The following TPD52L2 variants were observed in gnomAD, a reference collection of about 807,000 sequenced individuals.
The protein encoded by TPD52L2 is tumor protein D54.
In TPD52L2, 19 loss-of-function variants were observed where a neutral mutation model predicts 24.7. That is an observed-to-expected ratio of 0.77 (90% CI 0.54 to 1.13). The LOEUF (loss-of-function observed/expected upper bound fraction) is 1.13, where lower values mean the gene tolerates loss of function less well. Among genes scored for constraint, TPD52L2 ranks in the 50% most tolerant of loss-of-function variants. The pLI is 0.00. For synonymous variants in TPD52L2, 104 were observed against 100.2 expected (o/e 1.04, Z -0.23); for missense variants, 236 against 250.4 (o/e 0.94, Z 0.39).
At position 63,889,178 on chromosome 20, in the gene TPD52L2, C is replaced by T. The variant is rs921452007; in HGVS notation, c.477-12C>T. On this transcript the variant is annotated splice_polypyrimidine_tract_variant and intron_variant, in intron 5 of 6. Coordinates refer to ENST00000346249, the MANE Select transcript of TPD52L2 (RefSeq NM_003288.4). ...CCTCTTGACACCGACACTCTTCCCT[C>T]TCTCTTTAAAGGAACTCTGCGACCT... 4 of 1,612,950 alleles carry T rather than the reference C, an allele frequency of 2.5e-6. No individual in the cohort carries two copies. The highest frequency in any genetic ancestry group is 3.3e-5 in the Admixed American group (2 of 59,958).
intron 5 of TPD52L2, among the ~76,000 whole-genome samples, chr20:63,885,628 G>C (rs904179978): frequency 1.3e-5 from 2 of 152,218 alleles, no homozygotes; most frequent in Non-Finnish European, 2.9e-5. Context: ...GTCATGCTGT[G>C]GCACATTTCA....
At chr20:63,881,131 G>C (rs1321536575) in intron 4 of TPD52L2, among the ~76,000 whole-genome samples, 1 of 152,150 alleles carries the variant, frequency 6.6e-6, no homozygotes, top group Non-Finnish European at 1.5e-5. Flanking sequence ...GGAGGCCGAG[G>C]CGGGTGGATC....
rs1321596470 is a variant in TPD52L2, at chr20:63,882,765, T to A, written c.421T>A (p.Ser141Thr). ...ETLSQAGQKTSAALSTVGSAI... is the reference protein window; with the variant it reads ...ETLSQAGQKTTAALSTVGSAI... ...TCTTTCACAGGCAGGACAGAAGACT[T>A]CAGCTGCCCTGTCCACAGTGGGCTC... The change falls in exon 5 of 7, where the codon TCA becomes ACA. Residue 141 changes from serine (S) to threonine (T), a missense_variant. By Grantham distance (58) the Ser-to-Thr change is moderately conservative. Transcript: ENST00000346249. 5 of 1,614,092 alleles carry A rather than the reference T, an allele frequency of 3.1e-6. 1 individual carries two copies. The Admixed American group carries it at 8.3e-5, about 27-fold the overall frequency.
intron 2 of TPD52L2, among the ~76,000 whole-genome samples, chr20:63,870,057 G>A (rs1480811402): frequency 1.3e-5 from 2 of 152,194 alleles, no homozygotes; most frequent in Admixed American, 1.3e-4. Context: ...GAGGCCAGGA[G>A]GTCAAGGCTT....
Position 63,877,050 on chromosome 20 carries a change from A to T in TPD52L2, c.374+1175A>T. The T allele has an allele frequency of 2.3e-6, 1 of 433,408 alleles. No homozygotes were observed. Among genetic ancestry groups the T allele is most frequent in the Admixed American group, 2.7e-5 (1 of 37,632 alleles). 26.8% of individuals were successfully genotyped at this position (433,408 alleles called of 1,614,324 possible). A position where few individuals can be genotyped will look rare whatever the true frequency, so the allele number is the denominator to read the frequency against. On this transcript the variant is annotated intron_variant, in intron 4 of 6. Coordinates refer to ENST00000346249, the MANE Select transcript of TPD52L2 (RefSeq NM_003288.4). This position sits in a 1 kb window ranked among gnomAD's most constrained non-coding sequence, Gnocchi z 4.1. ...TTTGTTTGGTTTTTTTTTTGAGACA[A>T]CGTCTCGTTCTGTCTCCCAGGCTGG...
At position 63,877,854 on chromosome 20, in the gene TPD52L2, C is replaced by T. The variant is rs935989924; in HGVS notation, c.374+1979C>T. ...GGTTCCAGAGTGGAAGCGTTTCTGC[C>T]GGGAAGGCCCAGGCCGAGGGCGATG... On this transcript the variant is annotated intron_variant, in intron 4 of 6. Coordinates refer to ENST00000346249, the MANE Select transcript of TPD52L2 (RefSeq NM_003288.4). The surrounding 1 kb of genome is among the most constrained non-coding windows in gnomAD (Gnocchi z 4.1). Among the ~76,000 whole-genome samples, 5 of 152,182 alleles carry T rather than the reference C, an allele frequency of 3.3e-5. No individual in the cohort carries two copies. Among genetic ancestry groups the T allele is most frequent in the Non-Finnish European group, 7.3e-5 (5 of 68,042 alleles).
intron 5 of TPD52L2, chr20:63,886,173 A>AGT (rs2053088465): frequency 2.3e-6 from 2 of 884,844 alleles, no homozygotes. Flanking sequence ...CCAGGACAGC[A>AGT]GTGCCAGCCA....
chr20:63,865,330 T>G lies in TPD52L2; in HGVS notation c.-36T>G, dbSNP rs201377304. The G allele has an allele frequency of 2.6e-6, 4 of 1,519,256 alleles. No individual in the cohort carries two copies. 94.1% of individuals were successfully genotyped at this position (1,519,256 alleles called of 1,614,324 possible). ...CCCGGCGCCGCCCGCTCGGCTCCCA[T>G]AGCGCCCGCGACAGCGGTCCGGACG... On this transcript the variant is annotated 5_prime_UTR_variant, in exon 1 of 7. Coordinates refer to ENST00000346249, the MANE Select transcript of TPD52L2 (RefSeq NM_003288.4).
chr20:63,886,248 C>T (rs965248937), intron 5 of TPD52L2, among the ~76,000 whole-genome samples: 1 of 152,126 alleles, frequency 6.6e-6, no homozygotes, highest in Non-Finnish European at 1.5e-5. Context: ...CCCCCGGAAC[C>T]CCCCGGCCCT....
intron 1 of TPD52L2, 86 bp downstream of exon 1, chr20:63,865,470 C>T: frequency 4.8e-6 from 7 of 1,461,286 alleles, no homozygotes; most frequent in Non-Finnish European, 6.3e-6. Context: ...CTGCGACTCT[C>T]TGTCCTCTCG....
intron 5 of TPD52L2, among the ~76,000 whole-genome samples, chr20:63,885,174 C>T (rs941830123): frequency 7.2e-5 from 11 of 152,362 alleles, no homozygotes; most frequent in African/African-American, 4.8e-5. Flanking sequence ...AGCTGCCCAA[C>T]GCCCGTGTCC....
intron 5 of TPD52L2, among the ~76,000 whole-genome samples, chr20:63,885,611 C>T (rs945732514): frequency 2.0e-5 from 3 of 152,246 alleles, no homozygotes; most frequent in African/African-American, 4.8e-5. Flanking sequence ...GCTGGCCAAG[C>T]CCAGCTGTCA....
At chr20:63,880,401 TTCCCCA>T (rs1375589827) in intron 4 of TPD52L2, among the ~76,000 whole-genome samples, 20 of 141,136 alleles carry the variant, frequency 1.4e-4, no homozygotes, top group Non-Finnish European at 1.5e-5. Context: ...CAGGTGCAGC[TTCCCCA>T]TCCCCACTCT....
intron 1 of TPD52L2, among the ~76,000 whole-genome samples, chr20:63,868,198 C>T (rs2052332851): frequency 6.6e-6 from 1 of 152,240 alleles, no homozygotes; most frequent in South Asian, 2.1e-4. Flanking sequence ...TAGGCATGAG[C>T]CACTGCGCCT....
intron 4 of TPD52L2, among the ~76,000 whole-genome samples, chr20:63,880,840 G>A (rs957800880): frequency 6.6e-6 from 1 of 150,538 alleles, no homozygotes; most frequent in Admixed American, 6.6e-5. Context: ...GCAGTGAGCC[G>A]AGATGGTGCT....
At chr20:63,871,004 C>G (rs764253950) in intron 2 of TPD52L2, among the ~76,000 whole-genome samples, 5 of 151,702 alleles carry the variant, frequency 3.3e-5, no homozygotes, top group Non-Finnish European at 7.4e-5. Flanking sequence ...GTGTGAGCCA[C>G]TGTGCCCGGC....
Position 63,890,311 on chromosome 20 carries a change from A to T in TPD52L2, c.*366A>T. 3.0e-6 allele frequency: 1 copy of T among 328,628 alleles called. No homozygotes were observed. Among genetic ancestry groups the T allele is most frequent in the Non-Finnish European group, 5.5e-6 (1 of 181,404 alleles). 20.4% of individuals were successfully genotyped at this position (328,628 alleles called of 1,614,324 possible). On this transcript the variant is annotated 3_prime_UTR_variant, in exon 7 of 7. Coordinates refer to ENST00000346249, the MANE Select transcript of TPD52L2 (RefSeq NM_003288.4). ...GATTGAAGAGTTCTAAGCATAAAATAAGTGGCATTTTCTGACTTCTTCCTC... is the reference window on the plus strand; with the variant it reads ...GATTGAAGAGTTCTAAGCATAAAATTAGTGGCATTTTCTGACTTCTTCCTC...
At chr20:63,875,741 G>A (rs2052647962) in intron 3 of TPD52L2, 75 bp from the exon 4 acceptor site, 2 of 1,493,690 alleles carry the variant, frequency 1.3e-6, no homozygotes, top group Admixed American at 3.4e-5. Flanking sequence ...GTCTTCCCTG[G>A]AACTTCACCT....
chr20:63,872,158 T>A (rs915503880), intron 2 of TPD52L2, among the ~76,000 whole-genome samples: 9 of 152,082 alleles, frequency 5.9e-5, no homozygotes, highest in African/African-American at 2.2e-4. Flanking sequence ...ACCTTTTGGT[T>A]CGTGTAACTG....
Sources: gnomAD v4.1 joint callset for allele counts (sites outside exome capture counted in the v4.1 genomes callset) on GRCh38, gnomAD v4.1.1 for gene constraint, Gnocchi (gnomAD v3.1) non-coding constraint, MANE v1.5 for transcripts, NCBI Gene and HGNC (gene_info 2026-07-23, HGNC 2026-07-21) for gene names.